Variants in TMTC2 observed in about 807,000 individuals in gnomAD.
The protein encoded by TMTC2 is protein O-mannosyl-transferase TMTC2.
In TMTC2, 43 loss-of-function variants were observed where a neutral mutation model predicts 82.4. The observed-to-expected ratio is 0.52, with a 90% confidence interval of 0.41 to 0.67. The LOEUF (loss-of-function observed/expected upper bound fraction) is 0.67. Among genes scored for constraint, TMTC2 ranks in the 30% least tolerant of loss-of-function variants. The pLI, the probability that TMTC2 is intolerant of heterozygous loss-of-function variation, is 0.00. For synonymous variants in TMTC2, 408 were observed against 381.9 expected (o/e 1.07, Z -0.80); for missense variants, 919 against 1,012.4 (o/e 0.91, Z 1.25).
chr12:82,730,347 A>T, intron 1 of TMTC2, among the ~76,000 whole-genome samples: 1 of 148,734 alleles, frequency 6.7e-6, no homozygotes. Flanking sequence ...TCCCTATCTT[A>T]TATAAAAAAC....
chr12:82,891,305 T>G (rs1207187433), intron 2 of TMTC2, among the ~76,000 whole-genome samples: 1 of 152,140 alleles, frequency 6.6e-6, no homozygotes, highest in Non-Finnish European at 1.5e-5. Flanking sequence ...CAGAAGCTCA[T>G]TTATATAGTT....
chr12:82,812,539 A>G (rs1267790541), intron 1 of TMTC2, among the ~76,000 whole-genome samples: 2 of 152,132 alleles, frequency 1.3e-5, no homozygotes, highest in Non-Finnish European at 2.9e-5. Flanking sequence ...CCAAAATGAA[A>G]TGGAATTTTA....
At chr12:83,107,500 G>A (rs2137541225) in intron 11 of TMTC2, among the ~76,000 whole-genome samples, 1 of 152,224 alleles carries the variant, frequency 6.6e-6, no homozygotes, top group East Asian at 1.9e-4. Context: ...ATCCCCTCAT[G>A]GGAGCCCCAC....
intron 1 of TMTC2, among the ~76,000 whole-genome samples, chr12:82,768,074 C>T (rs1471453903): frequency 1.3e-5 from 2 of 152,130 alleles, no homozygotes; most frequent in Non-Finnish European, 2.9e-5. Flanking sequence ...AGTTTATCTC[C>T]CTGTCCTACA....
At chr12:83,054,271 G>A (rs1882454715) in intron 10 of TMTC2, among the ~76,000 whole-genome samples, 1 of 152,026 alleles carries the variant, frequency 6.6e-6, no homozygotes, top group Admixed American at 6.6e-5. Flanking sequence ...TACAAAATAT[G>A]TCTGTGCAAA....
At chr12:82,783,317 T>C (rs2137012099) in intron 1 of TMTC2, among the ~76,000 whole-genome samples, 1 of 141,554 alleles carries the variant, frequency 7.1e-6, no homozygotes, top group Non-Finnish European at 1.5e-5. Context: ...TGTGTGTGTG[T>C]GTGTCTGAGA....
intron 3 of TMTC2, among the ~76,000 whole-genome samples, chr12:82,912,833 G>T (rs1489186986): frequency 6.6e-6 from 1 of 151,924 alleles, no homozygotes; most frequent in African/African-American, 2.4e-5. Context: ...AGCTACTTGG[G>T]GGGCTGAGGT....
At chr12:82,915,998 A>T (rs77608601) in intron 3 of TMTC2, among the ~76,000 whole-genome samples, 11,316 of 152,288 alleles carry the variant, frequency 0.074, 516 homozygotes, top group African/African-American at 0.093. Context: ...GTTCCAGACC[A>T]GCTTGATCAA....
chr12:82,688,959 C>T (rs1177836228), intron 1 of TMTC2, among the ~76,000 whole-genome samples: 1 of 152,212 alleles, frequency 6.6e-6, no homozygotes, highest in Non-Finnish European at 1.5e-5. Flanking sequence ...CCAGAACATC[C>T]AGCAAACCCG....
intron 1 of TMTC2, among the ~76,000 whole-genome samples, chr12:82,689,745 A>G (rs377083778): frequency 5.9e-5 from 9 of 152,218 alleles, no homozygotes; most frequent in South Asian, 2.1e-4. Flanking sequence ...TTCAGATGCA[A>G]TAGTCTAATG....
At chr12:83,079,754 T>C (rs1206872556) in intron 11 of TMTC2, among the ~76,000 whole-genome samples, 1 of 152,164 alleles carries the variant, frequency 6.6e-6, no homozygotes, top group Non-Finnish European at 1.5e-5. Context: ...AAAATGCATT[T>C]CTGTAGGTCA....
chr12:82,993,920 G>T (rs78439919), intron 8 of TMTC2, among the ~76,000 whole-genome samples: 4,074 of 152,238 alleles, frequency 0.027, 195 homozygotes, highest in African/African-American at 0.093. Context: ...GTAGGGGCTA[G>T]ATGGGAGTTT....
At chr12:82,716,734 C>T (rs1873922854) in intron 1 of TMTC2, among the ~76,000 whole-genome samples, 1 of 152,116 alleles carries the variant, frequency 6.6e-6, no homozygotes, top group Non-Finnish European at 1.5e-5. Context: ...GGATTTATCA[C>T]CGAATCTAAG....
At chr12:83,074,873 C>T (rs944618342) in intron 11 of TMTC2, among the ~76,000 whole-genome samples, 3 of 152,148 alleles carry the variant, frequency 2.0e-5, no homozygotes, top group Admixed American at 6.5e-5. Flanking sequence ...CTAAGCTCCC[C>T]GCTAAGTTCA....
rs1336711980 is a variant in TMTC2, at chr12:82,896,736, G to A, written c.1483+90G>A. 2.9e-6 allele frequency: 3 copies of A among 1,033,048 alleles called. No homozygotes were observed. The Admixed American group carries it at 8.2e-5, about 28-fold the overall frequency. 64.0% of individuals were successfully genotyped at this position (1,033,048 alleles called of 1,614,324 possible). On this transcript the variant is annotated intron_variant, in intron 3 of 11. Coordinates refer to ENST00000321196, the MANE Select transcript of TMTC2 (RefSeq NM_152588.3). ...TCTTGTCTTAAAACACAGTATTAAG[G>A]AGGAAGAGGTCCTTTTATGCAGTAC...
intron 1 of TMTC2, among the ~76,000 whole-genome samples, chr12:82,811,423 A>C (rs1205552468): frequency 6.6e-6 from 1 of 151,986 alleles, no homozygotes; most frequent in African/African-American, 2.4e-5. Flanking sequence ...AATTTCTTAT[A>C]TATTTTACAA....
In TMTC2 at chr12:82,986,038, G is replaced by C; in HGVS notation, c.2062G>C (p.Ala688Pro). 6.2e-7 allele frequency: 1 copy of C among 1,613,954 alleles called. No homozygotes were observed. Among genetic ancestry groups the C allele is most frequent in the Non-Finnish European group, 8.5e-7 (1 of 1,179,898 alleles). ...PAHLTYGKLLALTGRKSEAEK... is the reference protein window; with the variant it reads ...PAHLTYGKLLPLTGRKSEAEK... ...TCATCTCACCTATGGGAAGCTGCTA[G>C]CTCTAACAGTGAGTAACCGCCTTCC... The change falls in exon 8 of 12, where the codon GCT becomes CCT. Residue 688 changes from alanine to proline, a missense_variant. By Grantham distance (27) the Ala-to-Pro change is conservative. Coordinates refer to ENST00000321196, the MANE Select transcript of TMTC2 (RefSeq NM_152588.3).
intron 10 of TMTC2, among the ~76,000 whole-genome samples, chr12:83,056,987 G>A (rs191092245): frequency 2.0e-5 from 3 of 151,834 alleles, no homozygotes; most frequent in Non-Finnish European, 2.9e-5. Context: ...AGCTTAGAAC[G>A]TTGATTCTTG....
intron 1 of TMTC2, among the ~76,000 whole-genome samples, chr12:82,821,947 T>G (rs1010929699): frequency 6.6e-6 from 1 of 150,848 alleles, no homozygotes; most frequent in South Asian, 2.1e-4. Flanking sequence ...TGCAAGCTAC[T>G]GTAAAAAGCA....
Sources: allele counts gnomAD v4.1 joint callset (sites outside exome capture counted in the v4.1 genomes callset), GRCh38; gene constraint gnomAD v4.1.1; transcripts MANE v1.5; gene names NCBI Gene and HGNC (gene_info 2026-07-23, HGNC 2026-07-21).